Variants in RELN observed in about 807,000 individuals in gnomAD.
RELN encodes reelin.
RELN carries 108 observed loss-of-function variants against 427.6 expected under a neutral mutation model. The ratio of observed to expected loss-of-function variants is 0.25; its 90% CI spans 0.22 to 0.30. RELN has a LOEUF of 0.30. RELN is among the 10% of genes least tolerant of loss of function. RELN has a pLI of 1.00. For missense variants in RELN, 3,715 were observed against 4,302.8 expected, an observed-to-expected ratio of 0.86 and a Z score of 3.82; for synonymous variants, 1,524 against 1,513.4, an observed-to-expected ratio of 1.01 and a Z score of -0.16.
At position 103,519,586 on chromosome 7, in the gene RELN, A is replaced by ATTTTTTT. The variant is rs35127886; in HGVS notation, c.7669-77_7669-71dup. 3.7e-3 allele frequency: 3,656 copies of ATTTTTTT among 988,832 alleles called. 127 individuals carry two copies. The African/African-American group carries it at 0.06, about 16-fold the overall frequency. The allele number at this position is 988,832 out of a possible 1,614,324, so 61.3% of individuals were successfully genotyped here. On this transcript the variant is annotated intron_variant, in intron 48 of 64. Transcript: ENST00000428762. ...ATTGCAGATTATAGATTTTCTATGGATTTTTTTTTTTTTTGAGACAGGGTC... is the reference window on the plus strand; with the variant it reads ...ATTGCAGATTATAGATTTTCTATGGATTTTTTTTTTTTTTTTTTTTTGAGACAGGGTC...
chr7:103,772,397 G>A (rs566592058), intron 4 of RELN, among the ~76,000 whole-genome samples: 4 of 152,350 alleles, frequency 2.6e-5, no homozygotes, highest in South Asian at 2.1e-4. Context: ...TCTTCAAAGT[G>A]TAGATAATAA....
chr7:103,864,942 T>C (rs983716490), intron 2 of RELN, among the ~76,000 whole-genome samples: 5 of 151,110 alleles, frequency 3.3e-5, no homozygotes, highest in African/African-American at 1.2e-4. Flanking sequence ...CCAAAAGAAA[T>C]AAATTCTGTG....
intron 4 of RELN, among the ~76,000 whole-genome samples, chr7:103,766,362 A>G (rs866169273): frequency 3.9e-5 from 6 of 152,342 alleles, no homozygotes; most frequent in Middle Eastern, 3.4e-3. Context: ...TTCAACAATT[A>G]AAGTAGATAC....
Position 103,498,111 on chromosome 7 carries a change from C to A in RELN, c.8809G>T (p.Ala2937Ser), listed in dbSNP as rs750491016. 5 of 1,614,042 alleles carry A rather than the reference C, an allele frequency of 3.1e-6. No homozygotes were observed. The Admixed American group carries it at 8.3e-5, about 27-fold the overall frequency. ...LYFGGSTVRQ[A>S]VTQDLDLRGA... ...CGAAGATCCAAATCTTGTGTAACCG[C>A]TTGTCTCACAGTGGATCCCCCAAAA... The change falls in exon 54 of 65, where the codon GCG becomes TCG. Residue 2937 changes from alanine to serine, a missense_variant. Ala to Ser is a moderately conservative substitution (Grantham distance 99, BLOSUM62 1). Around this residue, in one of 4 missense-constraint regions of RELN, gnomAD observed 1,310 missense variants for 1,643.0 expected, o/e 0.80. Coordinates refer to ENST00000428762, the MANE Select transcript of RELN (RefSeq NM_005045.4).
In RELN at chr7:103,684,789, C is replaced by A. The variant is rs576077786; in HGVS notation, c.1144-2528G>T. 2.0e-5 allele frequency among the ~76,000 whole-genome samples: 3 copies of A among 152,100 alleles called. No individual in the cohort carries two copies. In the South Asian group the frequency reaches 6.2e-4, roughly 32 times the overall value. The stretch of plus-strand genomic sequence containing the variant: ...TGCATTTTGAAACTTCTAAGTGCTA[C>A]AAAATAATCATTATTTCTAAATATA... On this transcript the variant is annotated intron_variant, in intron 10 of 64. Transcript: ENST00000428762.
chr7:103,614,248 G>T (rs1330990986), intron 20 of RELN, among the ~76,000 whole-genome samples: 2 of 152,178 alleles, frequency 1.3e-5, no homozygotes, highest in Non-Finnish European at 2.9e-5. Flanking sequence ...GAGTTATTTG[G>T]TGTCTCCCAT....
rs879035010 is a variant in RELN at position 103,491,848 on chromosome 7, T to A, written c.9443+105A>T. The A allele has an allele frequency of 6.5e-3, 3,771 of 580,006 alleles. 44 individuals carry two copies. The highest frequency in any genetic ancestry group is 0.042 in the South Asian group (2,236 of 53,382). 35.9% of individuals were successfully genotyped at this position (580,006 alleles called of 1,614,324 possible). ...GTCTCTCTCTCTCTCTCTCTCTCTC[T>A]CTCTCTCTCACACACACACACACAC... On this transcript the variant is annotated intron_variant, in intron 58 of 64. Transcript: ENST00000428762.
intron 10 of RELN, among the ~76,000 whole-genome samples, chr7:103,687,664 A>G (rs1239370447): frequency 6.6e-6 from 1 of 152,132 alleles, no homozygotes; most frequent in Non-Finnish European, 1.5e-5. Context: ...GATGATAGAA[A>G]CTGTAACTAT....
intron 1 of RELN, 118 bp from the exon 2 acceptor site, chr7:103,917,303 A>G (rs1240823609): frequency 6.3e-6 from 5 of 788,342 alleles, no homozygotes; most frequent in Admixed American, 4.5e-5. Flanking sequence ...TTTTTATACT[A>G]TACCTAGTTG....
At chr7:103,689,496 C>A (rs1380983861) in intron 10 of RELN, among the ~76,000 whole-genome samples, 2 of 151,938 alleles carry the variant, frequency 1.3e-5, no homozygotes, top group Non-Finnish European at 2.9e-5. Flanking sequence ...TTTGAAAACA[C>A]AGACACACAC....
intron 17 of RELN, among the ~76,000 whole-genome samples, chr7:103,638,902 G>T (rs1832639831): frequency 6.6e-6 from 1 of 152,200 alleles, no homozygotes; most frequent in Non-Finnish European, 1.5e-5. Context: ...CACATAAAAT[G>T]AAGTCTGAAG....
At chr7:103,677,260 G>C (rs529144422) in intron 11 of RELN, among the ~76,000 whole-genome samples, 3 of 150,436 alleles carry the variant, frequency 2.0e-5, no homozygotes, top group Non-Finnish European at 3.0e-5. Flanking sequence ...TAGGATCTGT[G>C]GGGGGTGGGG....
chr7:103,485,169 A>G (rs907253150), intron 61 of RELN, among the ~76,000 whole-genome samples: 2 of 146,464 alleles, frequency 1.4e-5, no homozygotes, highest in African/African-American at 2.5e-5. Context: ...GCAGCTATAT[A>G]TGATGATGTT....
intron 8 of RELN, among the ~76,000 whole-genome samples, chr7:103,719,243 A>G (rs1482088763): frequency 1.3e-5 from 2 of 152,090 alleles, no homozygotes; most frequent in Non-Finnish European, 2.9e-5. Flanking sequence ...CCTCTGCTCT[A>G]GGAGGGCACG....
chr7:103,700,869 C>G, intron 9 of RELN, 41 bp downstream of exon 9: 1 of 1,241,094 alleles, frequency 8.1e-7, no homozygotes, highest in Non-Finnish European at 1.2e-6. Flanking sequence ...AGAACTCCAT[C>G]TATGTCAGAA....
At chr7:103,584,675 G>A (rs1831229490) in intron 28 of RELN, among the ~76,000 whole-genome samples, 1 of 151,966 alleles carries the variant, frequency 6.6e-6, no homozygotes, top group Admixed American at 6.6e-5. Context: ...AATGACCAAA[G>A]AACTTCTGGA....
In RELN at chr7:103,934,911, C is replaced by T. The variant is rs117061233; in HGVS notation, c.227-17726G>A. Among the ~76,000 whole-genome samples, 1,019 of 152,318 alleles carry T rather than the reference C, an allele frequency of 6.7e-3. 8 individuals carry two copies. The highest frequency in any genetic ancestry group is 0.011 in the Non-Finnish European group (715 of 68,036). On this transcript the variant is annotated intron_variant, in intron 1 of 64. Coordinates refer to ENST00000428762, the MANE Select transcript of RELN (RefSeq NM_005045.4). The stretch of plus-strand genomic sequence containing the variant: ...GAACCACACTAGGAAGGGTCCTACA[C>T]AGGAGAGCACTTTAACCTATTTACT...
At chr7:103,608,281 C>A (rs796929500) in intron 22 of RELN, among the ~76,000 whole-genome samples, 1 of 152,068 alleles carries the variant, frequency 6.6e-6, no homozygotes, top group African/African-American at 2.4e-5. Flanking sequence ...CATTATAGAT[C>A]CAAAAACAAT....
chr7:103,923,831 C>T (rs1226183008), intron 1 of RELN, among the ~76,000 whole-genome samples: 1 of 152,102 alleles, frequency 6.6e-6, no homozygotes, highest in Non-Finnish European at 1.5e-5. Context: ...GAGCTCTTTA[C>T]CCTCAGATTT....
Sources: allele counts gnomAD v4.1 joint callset (sites outside exome capture counted in the v4.1 genomes callset), GRCh38; gene constraint gnomAD v4.1.1; regional missense constraint gnomAD v4.1.1; transcripts MANE v1.5; gene names NCBI Gene and HGNC (gene_info 2026-07-23, HGNC 2026-07-21).